Variants in RUNX2 observed in about 807,000 individuals in gnomAD.
The protein encoded by RUNX2 is RUNX family transcription factor 2, also known as runt-related transcription factor 2.
Under a neutral mutation model 51.7 loss-of-function variants are expected in RUNX2, and 10 were observed. The ratio of observed to expected loss-of-function variants is 0.19; its 90% confidence interval spans 0.12 to 0.33. The LOEUF (loss-of-function observed/expected upper bound fraction) is 0.33. Among genes scored for constraint, RUNX2 ranks in the 10% least tolerant of loss-of-function variants. The probability of loss-of-function intolerance (pLI) is 1.00; values close to 1 mark genes in which losing one functional copy is unlikely to be tolerated. For synonymous variants in RUNX2, 276 were observed against 273.6 expected (o/e 1.01, Z -0.09); for missense variants, 562 against 691.3 (o/e 0.81, Z 2.10).
intron 2 of RUNX2, among the ~76,000 whole-genome samples, chr6:45,404,552 T>C (rs1797792838): frequency 6.6e-6 from 1 of 152,224 alleles, no homozygotes; most frequent in Non-Finnish European, 1.5e-5. Flanking sequence ...AGTGTTGTTG[T>C]TGATTAACAT....
chr6:45,447,554 T>A (rs1329626187), intron 5 of RUNX2, among the ~76,000 whole-genome samples: 1 of 152,224 alleles, frequency 6.6e-6, no homozygotes, highest in Admixed American at 6.5e-5. Flanking sequence ...AAATTAATCA[T>A]GATCTCTGTC....
At position 45,546,961 on chromosome 6, in the gene RUNX2, A is replaced by T; in HGVS notation, c.1222A>T (p.Met408Leu). Residue 408 changes from methionine (M) to leucine (L), a missense_variant, in exon 9 of 9, where the codon ATG becomes TTG. Met to Leu is a conservative substitution (Grantham distance 15). Around this residue, in one of 5 missense-constraint regions of RUNX2, gnomAD observed 304 missense variants for 353.2 expected, o/e 0.86. Transcript: ENST00000647337. Reference protein sequence around the residue: ...FTYTPPVTSGMSLGMSATTHY... With the variant: ...FTYTPPVTSGLSLGMSATTHY... ...TTACACCCCGCCAGTCACCTCAGGC[A>T]TGTCCCTCGGTATGTCCGCCACCAC... 1 of 1,613,914 alleles carries T rather than the reference A, an allele frequency of 6.2e-7. No homozygotes were observed. The highest frequency in any genetic ancestry group is 8.5e-7 in the Non-Finnish European group (1 of 1,179,988).
At chr6:45,471,278 ATGAC>A (rs1352530780) in intron 5 of RUNX2, among the ~76,000 whole-genome samples, 3 of 152,226 alleles carry the variant, frequency 2.0e-5, no homozygotes, top group Admixed American at 2.0e-4. Context: ...AGGAGTGTGT[ATGAC>A]TTCCTAACAA....
intron 2 of RUNX2, among the ~76,000 whole-genome samples, chr6:45,373,737 G>A (rs1214444409): frequency 6.6e-6 from 1 of 152,024 alleles, no homozygotes; most frequent in Non-Finnish European, 1.5e-5. Flanking sequence ...AATTTTAGTA[G>A]AGACGGGGTT....
chr6:45,424,130 T>G (rs1316766997), intron 3 of RUNX2, among the ~76,000 whole-genome samples: 2 of 152,234 alleles, frequency 1.3e-5, no homozygotes, highest in Admixed American at 6.5e-5. Flanking sequence ...CGCAGACTCT[T>G]GTGCCTGCCC....
intron 2 of RUNX2, among the ~76,000 whole-genome samples, chr6:45,337,749 C>T (rs1022332645): frequency 7.2e-5 from 11 of 151,910 alleles, no homozygotes; most frequent in East Asian, 5.8e-4. Context: ...AAATCTAAGA[C>T]GCCCCTCCAC....
At chr6:45,479,388 G>A (rs183078148) in intron 5 of RUNX2, among the ~76,000 whole-genome samples, 1 of 152,144 alleles carries the variant, frequency 6.6e-6, no homozygotes, top group African/African-American at 2.4e-5. Flanking sequence ...TGCAAAGAAA[G>A]GTATGCTTGT....
At chr6:45,334,449 C>CAAAAAAAAA (rs551014969) in intron 2 of RUNX2, among the ~76,000 whole-genome samples, 61 of 91,682 alleles carry the variant, frequency 6.7e-4, no homozygotes, top group East Asian at 1.5e-3. Flanking sequence ...TCAGGAAAAG[C>CAAAAAAAAA]AAAAAAAAAA....
chr6:45,429,376 G>T (rs1380530882), intron 3 of RUNX2, among the ~76,000 whole-genome samples: 1 of 152,188 alleles, frequency 6.6e-6, no homozygotes, highest in Non-Finnish European at 1.5e-5. Flanking sequence ...GATGAATCCT[G>T]GCGAATGTAG....
At chr6:45,328,859 G>A (rs1025653104) in intron 2 of RUNX2, 75 bp downstream of exon 2, 4 of 1,460,330 alleles carry the variant, frequency 2.7e-6, no homozygotes, top group Non-Finnish European at 3.8e-6. Context: ...TTGATAAACT[G>A]CTAGCTTTTC....
In RUNX2 at chr6:45,512,385, C is replaced by T. The variant is rs566033645; in HGVS notation, c.999C>T (p.Thr333=). Residue 333 remains threonine, a synonymous_variant, in exon 7 of 9, where the codon ACC becomes ACT. Transcript: ENST00000647337. ...STRGTGLPAI[T]DVPRRISDDD... ...GGGGCACTGGGCTTCCTGCCATCAC[C>T]GATGTGCCTAGGCGCATTTCAGGTA... 26 of 1,614,060 alleles carry T rather than the reference C, an allele frequency of 1.6e-5. No homozygotes were observed. The highest frequency in any genetic ancestry group is 5.3e-5 in the African/African-American group (4 of 75,020).
chr6:45,331,244 T>C (rs1787449961), intron 2 of RUNX2, among the ~76,000 whole-genome samples: 1 of 151,986 alleles, frequency 6.6e-6, no homozygotes, highest in African/African-American at 2.4e-5. Flanking sequence ...CTGTCCATCA[T>C]TTATCATAAA....
chr6:45,518,483 A>G (rs1394034605), intron 7 of RUNX2, among the ~76,000 whole-genome samples: 3 of 152,142 alleles, frequency 2.0e-5, no homozygotes, highest in South Asian at 4.1e-4. Flanking sequence ...GCTGAGGCCC[A>G]AAGAAGTGGT....
chr6:45,482,515 C>T (rs979883008), intron 5 of RUNX2, among the ~76,000 whole-genome samples: 10 of 152,152 alleles, frequency 6.6e-5, no homozygotes, highest in African/African-American at 1.7e-4. Context: ...TCAAAGATCT[C>T]GAATTCTTCA....
At chr6:45,480,490 A>C (rs1307349321) in intron 5 of RUNX2, among the ~76,000 whole-genome samples, 2 of 152,226 alleles carry the variant, frequency 1.3e-5, no homozygotes, top group Non-Finnish European at 2.9e-5. Context: ...TCTGACAGAC[A>C]TAGCACGTAA....
At chr6:45,402,134 T>A (rs923553821) in intron 2 of RUNX2, among the ~76,000 whole-genome samples, 1 of 152,256 alleles carries the variant, frequency 6.6e-6, no homozygotes, top group Non-Finnish European at 1.5e-5. Flanking sequence ...AAATTTTCTT[T>A]GTCCATGTTT....
intron 7 of RUNX2, among the ~76,000 whole-genome samples, chr6:45,519,774 T>TTA (rs1179504865): frequency 0.01 from 1,393 of 135,716 alleles, 23 homozygotes; most frequent in African/African-American, 0.031. Context: ...AAGGATGCTA[T>TTA]TATATATATA....
intron 5 of RUNX2, among the ~76,000 whole-genome samples, chr6:45,467,609 C>A (rs1370961692): frequency 1.3e-5 from 2 of 152,062 alleles, no homozygotes; most frequent in African/African-American, 2.4e-5. Context: ...CCGCCACCCC[C>A]ACCGCCCCCA....
chr6:45,418,822 C>A (rs1027136665), intron 2 of RUNX2, among the ~76,000 whole-genome samples: 16 of 152,094 alleles, frequency 1.1e-4, no homozygotes, highest in Admixed American at 7.9e-4. Flanking sequence ...TTCATTTCCA[C>A]ATTATAAATA....
Sources: allele counts gnomAD v4.1 joint callset (sites outside exome capture counted in the v4.1 genomes callset), GRCh38; gene constraint gnomAD v4.1.1; regional missense constraint gnomAD v4.1.1; transcripts MANE v1.5; gene names NCBI Gene and HGNC (gene_info 2026-07-23, HGNC 2026-07-21).